The following CSMD3 variants were observed in gnomAD, a reference collection of about 807,000 sequenced individuals.
CSMD3 encodes CUB and sushi domain-containing protein 3.
A neutral mutation model predicts 435.2 loss-of-function variants in CSMD3; 177 were observed. That is an observed-to-expected ratio of 0.41 (90% CI 0.36 to 0.46). CSMD3 has a LOEUF of 0.46. Ranked by LOEUF, CSMD3 falls within the 20% of genes least tolerant of loss-of-function variation. The pLI is 0.34. For synonymous variants in CSMD3, 1,656 were observed against 1,520.5 expected (o/e 1.09, Z -2.07); for missense variants, 4,265 against 4,504.6 (o/e 0.95, Z 1.52).
At chr8:112,895,646 G>C (rs2081929145) in intron 10 of CSMD3, among the ~76,000 whole-genome samples, 1 of 151,362 alleles carries the variant, frequency 6.6e-6, no homozygotes, top group Non-Finnish European at 1.5e-5. Context: ...AAATCCAAGA[G>C]ACTGAACAGA....
chr8:113,275,061 G>A (rs2093559364), intron 3 of CSMD3, among the ~76,000 whole-genome samples: 1 of 151,906 alleles, frequency 6.6e-6, no homozygotes, highest in South Asian at 2.1e-4. Flanking sequence ...TATATATAAA[G>A]TACTCTTTTA....
rs752568327 is a variant in CSMD3 at position 112,301,834 on chromosome 8, A to T, written c.8399T>A (p.Leu2800His). Residue 2800 changes from leucine to histidine, a missense_variant, in exon 53 of 71, where the codon CTT becomes CAT. Around this residue, in one of 3 missense-constraint regions of CSMD3, gnomAD observed 3,255 missense variants for 3,380.2 expected, o/e 0.96. Coordinates refer to ENST00000297405, the MANE Select transcript of CSMD3 (RefSeq NM_198123.2). ...AGATTCACTCCAAAGACCTGAGGAA[A>T]GGCATTCCCTTACAGCAGAGCCCAC... The part of the protein sequence containing the change: ...MLVGSAVREC[L>H]SSGLWSESET... 9.9e-6 allele frequency: 16 copies of T among 1,613,814 alleles called. No homozygotes were observed. The African/African-American group carries it at 2.1e-4, about 22-fold the overall frequency.
chr8:112,366,553 A>G (rs1369573289), intron 38 of CSMD3, among the ~76,000 whole-genome samples: 8 of 152,072 alleles, frequency 5.3e-5, no homozygotes. Flanking sequence ...GCATGACAGT[A>G]TGCCTGGCTA....
chr8:112,983,028 T>C (rs1317709832), intron 6 of CSMD3, among the ~76,000 whole-genome samples: 2 of 151,996 alleles, frequency 1.3e-5, no homozygotes, highest in African/African-American at 4.8e-5. Context: ...TTTTCTCAAA[T>C]AAGAGTATCA....
At chr8:112,826,118 A>G (rs2079673115) in intron 12 of CSMD3, among the ~76,000 whole-genome samples, 2 of 152,140 alleles carry the variant, frequency 1.3e-5, no homozygotes, top group South Asian at 4.1e-4. Context: ...CTCTGGCCAC[A>G]GTCTGCCACA....
chr8:112,926,801 G>A (rs2082925598), intron 9 of CSMD3, among the ~76,000 whole-genome samples: 1 of 151,974 alleles, frequency 6.6e-6, no homozygotes, highest in African/African-American at 2.4e-5. Flanking sequence ...AAAAAGCAGA[G>A]GAGGAATGAA....
intron 22 of CSMD3, among the ~76,000 whole-genome samples, chr8:112,601,577 T>C (rs191698396): frequency 5.9e-5 from 9 of 152,286 alleles, no homozygotes; most frequent in African/African-American, 2.2e-4. Flanking sequence ...AGATAGATAT[T>C]GCTTCTGATG....
intron 5 of CSMD3, among the ~76,000 whole-genome samples, chr8:113,042,160 A>C (rs1367073307): frequency 6.6e-6 from 1 of 152,122 alleles, no homozygotes; most frequent in African/African-American, 2.4e-5. Context: ...GTCCACCTGC[A>C]TTTGTTTTCA....
chr8:112,446,459 T>C (rs1308500623), intron 32 of CSMD3, among the ~76,000 whole-genome samples: 1 of 152,200 alleles, frequency 6.6e-6, no homozygotes, highest in Non-Finnish European at 1.5e-5. Flanking sequence ...GCCAAGTAAT[T>C]CTTATGAAAG....
intron 10 of CSMD3, among the ~76,000 whole-genome samples, chr8:112,886,387 T>G (rs1431938871): frequency 6.6e-6 from 1 of 151,392 alleles, no homozygotes; most frequent in African/African-American, 2.4e-5. Context: ...AATGAGCAAA[T>G]TTTTAAAGTC....
At chr8:112,906,731 C>A (rs2082274300) in intron 10 of CSMD3, among the ~76,000 whole-genome samples, 1 of 151,444 alleles carries the variant, frequency 6.6e-6, no homozygotes, top group African/African-American at 2.4e-5. Context: ...CCATATTGCT[C>A]AATATTCCAA....
At chr8:113,324,910 T>C (rs573856655) in intron 1 of CSMD3, among the ~76,000 whole-genome samples, 78 of 152,296 alleles carry the variant, frequency 5.1e-4, no homozygotes, top group Non-Finnish European at 4.4e-4. Context: ...ATGGGAGACA[T>C]GGAGTCAAAG....
Position 112,642,341 on chromosome 8 carries a change from G to A in CSMD3, c.3310+2768C>T, listed in dbSNP as rs111999114. 4.2e-3 allele frequency among the ~76,000 whole-genome samples: 645 copies of A among 152,080 alleles called. 3 individuals carry two copies. The highest frequency in any genetic ancestry group is 0.014 in the African/African-American group (564 of 41,494). On this transcript the variant is annotated intron_variant, in intron 20 of 70. Coordinates refer to ENST00000297405, the MANE Select transcript of CSMD3 (RefSeq NM_198123.2). ...TAATTAGCATCCTGACTTCTACAAC[G>A]TGTTTAAGGAAAATCTCTCATGGTG...
chr8:113,015,269 G>T (rs535986009), intron 6 of CSMD3, among the ~76,000 whole-genome samples: 1 of 152,022 alleles, frequency 6.6e-6, no homozygotes, highest in Non-Finnish European at 1.5e-5. Flanking sequence ...AATAGAAGAT[G>T]CCCAGTTGAT....
intron 1 of CSMD3, among the ~76,000 whole-genome samples, chr8:113,389,600 A>G (rs1394210979): frequency 6.6e-6 from 1 of 151,886 alleles, no homozygotes; most frequent in East Asian, 1.9e-4. Flanking sequence ...AAGAAACTAA[A>G]TTGTAAAAAG....
At chr8:113,278,528 T>A (rs2093588976) in intron 3 of CSMD3, 64 bp downstream of exon 3, 2 of 786,268 alleles carry the variant, frequency 2.5e-6, no homozygotes, top group Admixed American at 3.5e-5. Context: ...TCTTCTTTCC[T>A]ACTTGAAAAA....
rs539346694 is a variant in CSMD3 at position 113,377,254 on chromosome 8, G to A, written c.178+59423C>T. Reference sequence around the variant, plus strand: ...GCCGAGGATACAAAAACAAACCGTGGAGCCTACCCTCTTATTAAAAATATT... The same window carrying A: ...GCCGAGGATACAAAAACAAACCGTGAAGCCTACCCTCTTATTAAAAATATT... On this transcript the variant is annotated intron_variant, in intron 1 of 70. Transcript: ENST00000297405. The A allele has an allele frequency of 7.0e-6, 3 of 428,528 alleles. No individual in the cohort carries two copies. In the East Asian group the frequency reaches 2.5e-4, roughly 36 times the overall value. 26.5% of individuals were successfully genotyped at this position (428,528 alleles called of 1,614,324 possible).
At chr8:113,136,814 G>T (rs1402062045) in intron 4 of CSMD3, among the ~76,000 whole-genome samples, 1 of 151,572 alleles carries the variant, frequency 6.6e-6, no homozygotes, top group Non-Finnish European at 1.5e-5. Flanking sequence ...CATAGATAGT[G>T]GGGGAAGTCA....
intron 38 of CSMD3, among the ~76,000 whole-genome samples, chr8:112,366,322 C>T (rs1827777523): frequency 6.6e-6 from 1 of 152,170 alleles, no homozygotes; most frequent in South Asian, 2.1e-4. Flanking sequence ...TGCAACAATG[C>T]TCCTGCTCAT....
Sources: gnomAD v4.1 joint callset for allele counts (sites outside exome capture counted in the v4.1 genomes callset) on GRCh38, gnomAD v4.1.1 for gene constraint, gnomAD v4.1.1 regional missense constraint, MANE v1.5 for transcripts, NCBI Gene and HGNC (gene_info 2026-07-23, HGNC 2026-07-21) for gene names.